The following ZNF507 variants were observed in gnomAD, a reference collection of about 807,000 sequenced individuals.
ZNF507 encodes zinc finger protein 507.
Under a neutral mutation model 80.0 loss-of-function variants are expected in ZNF507, and 29 were observed. The observed-to-expected ratio is 0.36, with a 90% confidence interval of 0.27 to 0.49. The LOEUF (loss-of-function observed/expected upper bound fraction) is 0.49. ZNF507 is among the 20% of genes least tolerant of loss of function. The pLI, the probability that ZNF507 is intolerant of heterozygous loss-of-function variation, is 0.98. For synonymous variants in ZNF507, 462 were observed against 422.5 expected, an observed-to-expected ratio of 1.09 and a Z score of -1.15; for missense variants, 1,081 against 1,152.2, an observed-to-expected ratio of 0.94 and a Z score of 0.90.
intron 5 of ZNF507, among the ~76,000 whole-genome samples, chr19:32,369,283 A>G (rs769181254): frequency 4.6e-5 from 7 of 152,226 alleles, no homozygotes; most frequent in Non-Finnish European, 1.0e-4. Context: ...CCACTCTAGG[A>G]GTCCAGCAAT....
At chr19:32,364,310 C>A (rs1967367634) in intron 5 of ZNF507, among the ~76,000 whole-genome samples, 1 of 152,120 alleles carries the variant, frequency 6.6e-6, no homozygotes, top group African/African-American at 2.4e-5. Flanking sequence ...TATAGTTATA[C>A]CTGACATTTC....
intron 5 of ZNF507, among the ~76,000 whole-genome samples, chr19:32,375,047 C>A (rs1223046844): frequency 6.6e-6 from 1 of 151,960 alleles, no homozygotes; most frequent in African/African-American, 2.4e-5. Context: ...TAAGTGCCTC[C>A]TGAGTATGGC....
chr19:32,373,999 A>C (rs1470491096), intron 5 of ZNF507, among the ~76,000 whole-genome samples: 3 of 152,256 alleles, frequency 2.0e-5, no homozygotes, highest in South Asian at 2.1e-4. Context: ...CTCTGTTTAC[A>C]TAGTAGACTG....
intron 3 of ZNF507, 32 bp downstream of exon 3, chr19:32,354,989 A>G (rs1568303955): frequency 1.2e-5 from 18 of 1,541,486 alleles, no homozygotes; most frequent in Non-Finnish European, 1.1e-5. Context: ...CTTTCAGAGG[A>G]CCTTCGCATC....
At chr19:32,380,724 T>TA in intron 5 of ZNF507, 1 of 1,083,494 alleles carries the variant, frequency 9.2e-7, no homozygotes, top group East Asian at 2.6e-5. Flanking sequence ...AGTTTTACAA[T>TA]ACGACCCAGC....
intron 2 of ZNF507, among the ~76,000 whole-genome samples, chr19:32,348,193 G>A (rs368554873): frequency 7.9e-5 from 12 of 152,220 alleles, no homozygotes; most frequent in African/African-American, 2.9e-4. Context: ...GGACCCTTGA[G>A]CTTATGTCCC....
rs1187291731 is a variant in ZNF507, at chr19:32,385,886, C to T, written c.*2803C>T. ...ATAACATGTTATTTATTGGTATTGA[C>T]TTCTTATTAGACAGAGCTCATAGTA... On this transcript the variant is annotated 3_prime_UTR_variant, in exon 7 of 7. Transcript: ENST00000355898. The T allele has an allele frequency of 6.6e-6, 1 of 152,078 alleles. No individual in the cohort carries two copies. The highest frequency in any genetic ancestry group is 1.9e-4 in the East Asian group (1 of 5,196). 9.4% of individuals were successfully genotyped at this position (152,078 alleles called of 1,614,324 possible).
rs1967205556 is a variant in ZNF507 at position 32,353,753 on chromosome 19, C to G, written c.923C>G (p.Ala308Gly). The G allele has an allele frequency of 1.2e-6, 2 of 1,614,186 alleles. No individual in the cohort carries two copies. The highest frequency in any genetic ancestry group is 1.7e-6 in the Non-Finnish European group (2 of 1,180,036). The change falls in exon 3 of 7, where the codon GCT becomes GGT. Residue 308 changes from alanine to glycine, a missense_variant. This residue lies in a region of ZNF507 where 614 missense variants were observed against 583.9 expected (regional missense o/e 1.05). Transcript: ENST00000355898. ...APGGVDAVVI[A>G]IGESELSIHN... is the part of the protein sequence containing the mutation. ...GGTGGGGTCGATGCAGTCGTCATTG[C>G]TATTGGAGAGAGTGAACTGAGTATC...
chr19:32,380,713 C>CA (rs1374861854), intron 5 of ZNF507: 1 of 1,207,138 alleles, frequency 8.3e-7, no homozygotes, highest in African/African-American at 1.5e-5. Context: ...AAAAAGATGA[C>CA]AGTTTTACAA....
At position 32,378,650 on chromosome 19, in the gene ZNF507, T is replaced by A. The variant is rs200334124; in HGVS notation, c.2361-3817T>A. ...TCTAAAATTAGAAGCTTTTTTTTTT[T>A]AAAAAAAAAAGGGAAAACAGTAAAC... is the stretch of plus-strand genomic sequence containing the variant. On this transcript the variant is annotated intron_variant, in intron 5 of 6. Coordinates refer to ENST00000355898, the MANE Select transcript of ZNF507 (RefSeq NM_001136156.2). Among the ~76,000 whole-genome samples, 456 of 113,054 alleles carry A rather than the reference T, an allele frequency of 4.0e-3. 2 individuals are homozygous for A. Among genetic ancestry groups the A allele is most frequent in the East Asian group, 0.028 (65 of 2,334 alleles). The allele number at this position is 113,054 out of a possible 152,430, so 74.2% of individuals were successfully genotyped here.
At chr19:32,345,852 C>G (rs1568300220) in intron 1 of ZNF507, 69 bp downstream of exon 1, 2 of 152,822 alleles carry the variant, frequency 1.3e-5, no homozygotes, top group Non-Finnish European at 2.9e-5. Flanking sequence ...ATCCTCCCCT[C>G]AGGCCTCTGC....
rs115361017 is a variant in ZNF507, at chr19:32,373,964, T to C, written c.2361-8503T>C. Among the ~76,000 whole-genome samples the C allele has an allele frequency of 4.3e-3, 658 of 152,298 alleles. 6 individuals carry two copies. Among genetic ancestry groups the C allele is most frequent in the African/African-American group, 0.015 (618 of 41,554 alleles). ...GACCAGTCACCAGCTTTGAAAGGCT[T>C]GCTTAGTCACTGGGCATGATGCATC... On this transcript the variant is annotated intron_variant, in intron 5 of 6. Coordinates refer to ENST00000355898, the MANE Select transcript of ZNF507 (RefSeq NM_001136156.2).
intron 5 of ZNF507, among the ~76,000 whole-genome samples, chr19:32,362,967 G>A (rs1218029934): frequency 1.3e-5 from 2 of 152,068 alleles, no homozygotes; most frequent in African/African-American, 4.8e-5. Context: ...ACCATCCTTT[G>A]CCTTCATGGG....
chr19:32,349,124 A>G (rs1293980599), intron 2 of ZNF507, among the ~76,000 whole-genome samples: 1 of 152,216 alleles, frequency 6.6e-6, no homozygotes, highest in Non-Finnish European at 1.5e-5. Context: ...CTGGAAAGAA[A>G]TAGCCTTCTA....
chr19:32,383,271 T>C lies in ZNF507; in HGVS notation c.*188T>C, dbSNP rs1967647729. ...TCCAAATGGACAAGCAGTAATGATA[T>C]TTAAATATTTTGAGTGAGGGGGAGT... is the stretch of plus-strand genomic sequence containing the variant. On this transcript the variant is annotated 3_prime_UTR_variant, in exon 7 of 7. Transcript: ENST00000355898. 4.2e-6 allele frequency: 3 copies of C among 722,794 alleles called. No individual in the cohort carries two copies. The highest frequency in any genetic ancestry group is 2.0e-5 in the South Asian group (1 of 50,630). 44.8% of individuals were successfully genotyped at this position (722,794 alleles called of 1,614,324 possible). A position where few individuals can be genotyped will look rare whatever the true frequency, so the allele number is the denominator to read the frequency against.
intron 5 of ZNF507, among the ~76,000 whole-genome samples, chr19:32,365,156 A>G (rs889940888): frequency 5.3e-5 from 8 of 152,008 alleles, no homozygotes; most frequent in African/African-American, 1.5e-4. Context: ...AGAATTGTCT[A>G]TTTATGTCCT....
intron 2 of ZNF507, among the ~76,000 whole-genome samples, chr19:32,350,498 C>T (rs1471267059): frequency 6.6e-6 from 1 of 152,132 alleles, no homozygotes; most frequent in Non-Finnish European, 1.5e-5. Flanking sequence ...TTGTATTAGT[C>T]TTTTTCTTGA....
chr19:32,358,632 A>G (rs951457645), intron 4 of ZNF507: 5 of 152,222 alleles, frequency 3.3e-5, no homozygotes, highest in African/African-American at 9.6e-5. Context: ...GTGTTACTCC[A>G]TGAAACCTAA....
In ZNF507 at chr19:32,352,829, A is replaced by T. The variant is rs142619710; in HGVS notation, c.-2A>T. ...TTCTGTTTTACATTATCCTTTTTAG[A>T]TATGGAAGAAAGTAGCAGTGTTGCC... is the stretch of plus-strand genomic sequence containing the variant. On this transcript the variant is annotated splice_region_variant and 5_prime_UTR_variant, in exon 3 of 7. Coordinates refer to ENST00000355898, the MANE Select transcript of ZNF507 (RefSeq NM_001136156.2). 3 of 1,561,784 alleles carry T rather than the reference A, an allele frequency of 1.9e-6. No individual in the cohort carries two copies. In the African/African-American group the frequency reaches 4.1e-5, roughly 22 times the overall value.
Sources: gnomAD v4.1 joint callset for allele counts (sites outside exome capture counted in the v4.1 genomes callset) on GRCh38, gnomAD v4.1.1 for gene constraint, gnomAD v4.1.1 regional missense constraint, MANE v1.5 for transcripts, NCBI Gene and HGNC (gene_info 2026-07-23, HGNC 2026-07-21) for gene names.